Variants in TRMT11 observed in about 807,000 individuals in gnomAD.
TRMT11 encodes the protein tRNA methyltransferase 11.
A neutral mutation model predicts 62.8 loss-of-function variants in TRMT11; 53 were observed. The ratio of observed to expected loss-of-function variants is 0.84; its 90% CI spans 0.68 to 1.06. The LOEUF (loss-of-function observed/expected upper bound fraction) is 1.06. TRMT11 is among the 50% of genes least tolerant of loss of function. TRMT11 has a pLI of 0.00. For missense variants in TRMT11, 556 were observed against 553.4 expected (o/e 1.00, Z -0.05); for synonymous variants, 188 against 190.3 (o/e 0.99, Z 0.10).
At chr6:126,041,154 A>G (rs909453240), downstream of TRMT11, among the ~76,000 whole-genome samples, 1 of 152,160 alleles carries the variant, frequency 6.6e-6, no homozygotes, top group Non-Finnish European at 1.5e-5. Flanking sequence ...ATATTTAAGA[A>G]GGATGGCAAT....
chr6:125,992,187 T>A (rs972526240), intron 1 of TRMT11, among the ~76,000 whole-genome samples: 1 of 152,230 alleles, frequency 6.6e-6, no homozygotes. Flanking sequence ...CAGTTTTAGG[T>A]GGCTGCTTAA....
chr6:126,194,205 T>A (rs1192470368), intron 1 of TRMT11, among the ~76,000 whole-genome samples: 2 of 152,208 alleles, frequency 1.3e-5, no homozygotes, highest in African/African-American at 2.4e-5. Flanking sequence ...TTTGTGGATT[T>A]TCTGCATAAG....
At chr6:126,156,585 T>C (rs1296607575) in intron 21 of TRMT11, among the ~76,000 whole-genome samples, 1 of 152,188 alleles carries the variant, frequency 6.6e-6, no homozygotes, top group Non-Finnish European at 1.5e-5. Flanking sequence ...GGGTCATTTA[T>C]AAAGAAAAGA....
intron 12 of TRMT11, among the ~76,000 whole-genome samples, 162 bp downstream of exon 12, chr6:126,021,442 C>G (rs967619334): frequency 2.0e-5 from 3 of 152,138 alleles, no homozygotes; most frequent in African/African-American, 7.2e-5. Flanking sequence ...TTGTGGCATC[C>G]AGTTGGGATT....
the TRMT11 span, among the ~76,000 whole-genome samples, chr6:126,251,473 AAAAGTGTTT>A: frequency 1.3e-5 from 2 of 152,174 alleles, no homozygotes; most frequent in Non-Finnish European, 2.9e-5. Flanking sequence ...TTTTTGTGTG[AAAAGTGTTT>A]AAAATTCACA....
chr6:126,125,135 G>T (rs188382834), intron 21 of TRMT11, among the ~76,000 whole-genome samples: 1 of 152,168 alleles, frequency 6.6e-6, no homozygotes, highest in South Asian at 2.1e-4. Context: ...CTCTGCAGGC[G>T]CCAGGTTTTG....
rs545915529 is a variant in TRMT11, at chr6:126,111,566, A to C, written c.*1438-1300A>C. Among the ~76,000 whole-genome samples, 8 of 152,232 alleles carry C rather than the reference A, an allele frequency of 5.3e-5. 1 individual carries two copies. In the South Asian group the frequency reaches 1.7e-3, roughly 32 times the overall value. ...GATCACCTCTTATTTGTTTCCAACT[A>C]CTGTGGCCACCATGTGTTTTAAGTG... On this transcript the variant is annotated intron_variant and NMD_transcript_variant, in intron 17 of 22. Transcript: ENST00000648977.
intron 21 of TRMT11, among the ~76,000 whole-genome samples, chr6:126,141,668 A>G (rs1388365424): frequency 6.6e-6 from 1 of 152,116 alleles, no homozygotes; most frequent in Non-Finnish European, 1.5e-5. Context: ...GTTATTTTGG[A>G]AAAGGAGATT....
rs1042016203 is a variant in TRMT11, at chr6:126,096,864, T to C, written c.*1438-16002T>C. ...ATTGATTTAAGTTCATTCAACTTTC[T>C]TGGACAATTTCCTTAGGAAAGAAGC... On this transcript the variant is annotated intron_variant and NMD_transcript_variant, in intron 17 of 22. Transcript: ENST00000648977. 9.2e-5 allele frequency among the ~76,000 whole-genome samples: 14 copies of C among 152,346 alleles called. No individual in the cohort carries two copies. The East Asian group carries it at 1.9e-3, about 21-fold the overall frequency.
At chr6:126,076,577 G>A (rs1489731154) in intron 17 of TRMT11, among the ~76,000 whole-genome samples, 2 of 152,190 alleles carry the variant, frequency 1.3e-5, no homozygotes, top group African/African-American at 4.8e-5. Context: ...AGATGAGCTA[G>A]TGGTTTTCAC....
intron 17 of TRMT11, among the ~76,000 whole-genome samples, chr6:126,080,631 T>G (rs1396715791): frequency 6.6e-6 from 1 of 152,144 alleles, no homozygotes; most frequent in African/African-American, 2.4e-5. Context: ...CTGTGCACTG[T>G]GGAAAAGGAA....
the TRMT11 span, among the ~76,000 whole-genome samples, chr6:126,262,228 C>A: frequency 2.0e-5 from 3 of 152,156 alleles, no homozygotes; most frequent in African/African-American, 7.2e-5. Context: ...GGAAGCAGAG[C>A]CGCTGCAGAA....
chr6:126,211,963 C>T, the TRMT11 span, among the ~76,000 whole-genome samples: 1 of 152,032 alleles, frequency 6.6e-6, no homozygotes, highest in Non-Finnish European at 1.5e-5. Flanking sequence ...TATCCTTTTA[C>T]TCTCTAAGAG....
At chr6:126,107,687 GC>G (rs1167906782) in intron 17 of TRMT11, among the ~76,000 whole-genome samples, 2 of 152,168 alleles carry the variant, frequency 1.3e-5, no homozygotes, top group African/African-American at 4.8e-5. Context: ...TACCAAAGGA[GC>G]GGTTCAGGTA....
intron 21 of TRMT11, among the ~76,000 whole-genome samples, chr6:126,143,882 T>C (rs1161325774): frequency 2.0e-5 from 3 of 152,174 alleles, no homozygotes; most frequent in African/African-American, 7.2e-5. Flanking sequence ...TGGGGCCGCT[T>C]GACTCACTGT....
intron 21 of TRMT11, among the ~76,000 whole-genome samples, chr6:126,133,159 C>T (rs1455133378): frequency 2.0e-5 from 3 of 151,866 alleles, no homozygotes; most frequent in Non-Finnish European, 4.4e-5. Flanking sequence ...ACAAGGTTTC[C>T]GAAAGCCACT....
chr6:126,015,407 T>C (rs1318153650), intron 11 of TRMT11, among the ~76,000 whole-genome samples: 2 of 152,122 alleles, frequency 1.3e-5, no homozygotes, highest in African/African-American at 4.8e-5. Flanking sequence ...TTTGTATTTT[T>C]TTAGTAGAGA....
intron 19 of TRMT11, among the ~76,000 whole-genome samples, chr6:126,115,163 T>C (rs1259568041): frequency 6.6e-6 from 1 of 152,120 alleles, no homozygotes; most frequent in African/African-American, 2.4e-5. Flanking sequence ...GCTGTATTTG[T>C]GCACAGCGAG....
chr6:126,070,475 A>G (rs555803221), intron 17 of TRMT11, among the ~76,000 whole-genome samples: 62 of 152,346 alleles, frequency 4.1e-4, no homozygotes, highest in Non-Finnish European at 6.6e-4. Flanking sequence ...GCAAAATCAG[A>G]TGGACTCATG....
Sources: allele counts gnomAD v4.1 joint callset (sites outside exome capture counted in the v4.1 genomes callset), GRCh38; gene constraint gnomAD v4.1.1; transcripts MANE v1.5; gene names NCBI Gene and HGNC (gene_info 2026-07-23, HGNC 2026-07-21).